PAK5: variants seen among roughly 807,000 people sequenced by gnomAD.
PAK5 encodes serine/threonine-protein kinase PAK 5.
A neutral mutation model predicts 65.9 loss-of-function variants in PAK5; 16 were observed. The ratio of observed to expected loss-of-function variants is 0.24; its 90% CI spans 0.16 to 0.37. PAK5 has a LOEUF of 0.37. Ranked by LOEUF, PAK5 falls within the 10% of genes least tolerant of loss-of-function variation. The pLI is 1.00. For missense variants in PAK5, 785 were observed against 903.9 expected, an observed-to-expected ratio of 0.87 and a Z score of 1.69; for synonymous variants, 371 against 354.9, an observed-to-expected ratio of 1.05 and a Z score of -0.51.
At chr20:9,781,216 T>C (rs766440783) in intron 1 of PAK5, among the ~76,000 whole-genome samples, 1 of 152,176 alleles carries the variant, frequency 6.6e-6, no homozygotes, top group African/African-American at 2.4e-5. Context: ...CAGAATTGGG[T>C]AGGCCTGAGA....
intron 1 of PAK5, among the ~76,000 whole-genome samples, chr20:9,828,395 A>G (rs1307148228): frequency 6.6e-6 from 1 of 152,196 alleles, no homozygotes; most frequent in Non-Finnish European, 1.5e-5. Context: ...GATGAGAAAA[A>G]TTCTAAGTTG....
rs192749105 is a variant in PAK5 at position 9,776,776 on chromosome 20, C to T, written c.-162+61986G>A. On this transcript the variant is annotated intron_variant, in intron 1 of 9. Transcript: ENST00000353224. The stretch of plus-strand genomic sequence containing the variant: ...CCCCAGTTAAATCTTCAGATGAGAC[C>T]GTAGCCATGATCAATCCTTGACTAC... Among the ~76,000 whole-genome samples the T allele has an allele frequency of 1.9e-3, 295 of 152,198 alleles. 1 individual carries two copies. Among genetic ancestry groups the T allele is most frequent in the South Asian group, 6.6e-3 (32 of 4,814 alleles).
intron 1 of PAK5, among the ~76,000 whole-genome samples, chr20:9,722,259 C>T (rs1286639562): frequency 6.6e-6 from 1 of 152,104 alleles, no homozygotes; most frequent in African/African-American, 2.4e-5. Context: ...CTGAGGTTAT[C>T]AATGTTTATA....
At chr20:9,693,937 A>G (rs554901559) in intron 2 of PAK5, among the ~76,000 whole-genome samples, 2 of 152,202 alleles carry the variant, frequency 1.3e-5, no homozygotes, top group East Asian at 3.9e-4. Context: ...AATTAACTGT[A>G]TATAGAGTTA....
Position 9,562,456 on chromosome 20 carries a change from G to C in PAK5, c.1616+435C>G, listed in dbSNP as rs115645208. ...TAAAACAGAATTGCAGAATTTCTCT[G>C]TGCCACCCAGATTCATTATTTTGAT... On this transcript the variant is annotated intron_variant, in intron 6 of 9. Coordinates refer to ENST00000353224, the MANE Select transcript of PAK5 (RefSeq NM_177990.4). 4.4e-3 allele frequency among the ~76,000 whole-genome samples: 665 copies of C among 152,250 alleles called. 6 individuals are homozygous for C. Among genetic ancestry groups the C allele is most frequent in the African/African-American group, 0.015 (635 of 41,540 alleles).
intron 2 of PAK5, among the ~76,000 whole-genome samples, chr20:9,655,817 A>G (rs764719367): frequency 6.6e-6 from 1 of 152,160 alleles, no homozygotes; most frequent in Non-Finnish European, 1.5e-5. Flanking sequence ...GTCCAAGATC[A>G]AGGTGTTGGG....
intron 2 of PAK5, among the ~76,000 whole-genome samples, chr20:9,678,730 C>CA (rs1224778013): frequency 6.6e-6 from 1 of 152,008 alleles, no homozygotes. Context: ...AGAGAAGTGC[C>CA]AAGCAAAAGG....
chr20:9,565,735 T>C (rs1383462390), intron 5 of PAK5, among the ~76,000 whole-genome samples, 158 bp downstream of exon 5: 1 of 152,158 alleles, frequency 6.6e-6, no homozygotes, highest in African/African-American at 2.4e-5. Context: ...TATATGTGCA[T>C]AGAAAAAAGA....
At chr20:9,630,333 G>A (rs751024850) in intron 3 of PAK5, among the ~76,000 whole-genome samples, 12 of 152,298 alleles carry the variant, frequency 7.9e-5, no homozygotes, top group Non-Finnish European at 1.6e-4. Flanking sequence ...GCAGTTACAC[G>A]AAGGGGTCTT....
At chr20:9,663,327 C>T (rs534130790) in intron 2 of PAK5, among the ~76,000 whole-genome samples, 45 of 152,204 alleles carry the variant, frequency 3.0e-4, no homozygotes, top group Admixed American at 2.6e-3. Flanking sequence ...GGAAATATTG[C>T]TAGAATAATA....
chr20:9,645,224 AT>A (rs149742914), intron 2 of PAK5, among the ~76,000 whole-genome samples: 29,731 of 152,072 alleles, frequency 0.2, 3,388 homozygotes, highest in East Asian at 0.46. Context: ...TATATTTACA[AT>A]TTTTTACAGT....
intron 1 of PAK5, among the ~76,000 whole-genome samples, chr20:9,819,568 A>AT (rs574793778): frequency 2.2e-3 from 330 of 146,816 alleles, no homozygotes; most frequent in East Asian, 6.5e-3. Flanking sequence ...TTTAAAAAAC[A>AT]TTTTTTTTTT....
At chr20:9,645,418 T>C (rs1422538960) in intron 2 of PAK5, among the ~76,000 whole-genome samples, 1 of 152,244 alleles carries the variant, frequency 6.6e-6, no homozygotes, top group East Asian at 1.9e-4. Context: ...AATTGCTTTT[T>C]TCCTCTCTGC....
At chr20:9,698,392 T>C (rs1600256600) in intron 2 of PAK5, among the ~76,000 whole-genome samples, 1 of 152,182 alleles carries the variant, frequency 6.6e-6, no homozygotes, top group South Asian at 2.1e-4. Context: ...GTGCTTTCTA[T>C]TGTAACTGTA....
At chr20:9,621,649 G>A (rs1042621088) in intron 3 of PAK5, among the ~76,000 whole-genome samples, 2 of 152,156 alleles carry the variant, frequency 1.3e-5, no homozygotes, top group Non-Finnish European at 2.9e-5. Context: ...CTAAAAACCT[G>A]AAGTTTAAAT....
chr20:9,749,306 C>A (rs1039748664), intron 1 of PAK5, among the ~76,000 whole-genome samples: 1 of 152,082 alleles, frequency 6.6e-6, no homozygotes, highest in Admixed American at 6.6e-5. Context: ...TAACCTTCAA[C>A]TTATCCAGTA....
chr20:9,814,970 T>C (rs1465705965), intron 1 of PAK5, among the ~76,000 whole-genome samples: 1 of 152,124 alleles, frequency 6.6e-6, no homozygotes, highest in Admixed American at 6.6e-5. Flanking sequence ...TGCACCTGCT[T>C]CTGTTGAGGG....
chr20:9,602,117 C>A (rs1312591953), intron 3 of PAK5, among the ~76,000 whole-genome samples: 1 of 151,838 alleles, frequency 6.6e-6, no homozygotes, highest in East Asian at 1.9e-4. Context: ...ATAGTGAAAC[C>A]CCGTCTTTAC....
At chr20:9,685,581 C>T (rs931715208) in intron 2 of PAK5, among the ~76,000 whole-genome samples, 1 of 152,126 alleles carries the variant, frequency 6.6e-6, no homozygotes, top group Non-Finnish European at 1.5e-5. Context: ...CTTGCTGACA[C>T]CTTGATCTTG....
Sources: allele counts gnomAD v4.1 joint callset (sites outside exome capture counted in the v4.1 genomes callset), GRCh38; gene constraint gnomAD v4.1.1; transcripts MANE v1.5; gene names NCBI Gene and HGNC (gene_info 2026-07-23, HGNC 2026-07-21).